WDR41: variants seen among roughly 807,000 people sequenced by gnomAD.
WDR41 encodes the protein WD repeat domain 41.
Under a neutral mutation model 69.3 loss-of-function variants are expected in WDR41, and 63 were observed. That is an observed-to-expected ratio of 0.91 (90% CI 0.74 to 1.12). The LOEUF (loss-of-function observed/expected upper bound fraction) is 1.12. WDR41 is among the 50% of genes most tolerant of loss of function. WDR41 has a pLI of 0.00. For synonymous variants in WDR41, 185 were observed against 192.1 expected, an observed-to-expected ratio of 0.96 and a Z score of 0.31; for missense variants, 543 against 534.5, an observed-to-expected ratio of 1.02 and a Z score of -0.16.
At chr5:77,492,620 G>C (rs774060793), upstream of WDR41, 5 of 211,916 alleles carry the variant, frequency 2.4e-5, no homozygotes, top group Non-Finnish European at 3.7e-5. Flanking sequence ...CGCGCACGAA[G>C]AATAATGCCC....
chr5:77,503,112 G>A (rs1243531019), intron 1 of WDR41, among the ~76,000 whole-genome samples: 3 of 148,370 alleles, frequency 2.0e-5, no homozygotes, highest in Non-Finnish European at 4.4e-5. Context: ...CTATATTCAG[G>A]AGACCTATCT....
chr5:77,452,393 G>A (rs1211245788), intron 6 of WDR41: 2 of 152,198 alleles, frequency 1.3e-5, no homozygotes, highest in East Asian at 3.8e-4. Flanking sequence ...CAACAATCCA[G>A]ATGTAGCAAC....
In WDR41 at chr5:77,582,871, C is replaced by A. The variant is rs1450503383; in HGVS notation, c.42+37608G>T. The A allele has an allele frequency of 2.5e-6, 4 of 1,604,972 alleles. No homozygotes were observed. The East Asian group carries it at 6.7e-5, about 27-fold the overall frequency. Reference sequence around the variant, plus strand: ...TGGTTATGGCAAAATCAATAAGAAGCGAATTGCTTTGACAGATAACGCTTT... The same window carrying A: ...TGGTTATGGCAAAATCAATAAGAAGAGAATTGCTTTGACAGATAACGCTTT... On this transcript the variant is annotated intron_variant, in intron 1 of 5. Coordinates refer to the WDR41 transcript ENST00000509971.
intron 1 of WDR41, among the ~76,000 whole-genome samples, chr5:77,517,568 T>C (rs115006267): frequency 0.026 from 3,904 of 151,242 alleles, 147 homozygotes; most frequent in African/African-American, 0.082. Context: ...CTTTATGATA[T>C]ATCTTTTCTG....
intron 1 of WDR41, chr5:77,620,335 TGTAA>T: frequency 2.8e-6 from 1 of 361,928 alleles, no homozygotes; most frequent in Non-Finnish European, 5.4e-6. Context: ...AGCATATTGC[TGTAA>T]GTCTCTTTAG....
chr5:77,534,624 G>A (rs1742931864), intron 1 of WDR41, among the ~76,000 whole-genome samples: 1 of 152,044 alleles, frequency 6.6e-6, no homozygotes, highest in African/African-American at 2.4e-5. Context: ...AGTGGAGACA[G>A]GCTTTCACTA....
chr5:77,498,370 A>T (rs1028620245), intron 1 of WDR41, among the ~76,000 whole-genome samples: 1 of 152,196 alleles, frequency 6.6e-6, no homozygotes, highest in Non-Finnish European at 1.5e-5. Context: ...CAGTGTAGAA[A>T]AGACTATTGA....
chr5:77,488,172 T>C (rs1455995506), intron 2 of WDR41, among the ~76,000 whole-genome samples: 1 of 152,214 alleles, frequency 6.6e-6, no homozygotes, highest in Non-Finnish European at 1.5e-5. Flanking sequence ...AACCCATACA[T>C]GGCTTGCAGC....
intron 2 of WDR41, among the ~76,000 whole-genome samples, chr5:77,477,045 T>C (rs1800973026): frequency 6.7e-6 from 1 of 148,400 alleles, no homozygotes; most frequent in Non-Finnish European, 1.5e-5. Context: ...TAAAACAGAC[T>C]TTAAACCAAC....
At chr5:77,543,285 A>G (rs1399974041) in intron 1 of WDR41, among the ~76,000 whole-genome samples, 1 of 152,212 alleles carries the variant, frequency 6.6e-6, no homozygotes, top group Non-Finnish European at 1.5e-5. Context: ...CTCACCAGCA[A>G]TGGACCCAAA....
chr5:77,484,902 C>A (rs1801441003), intron 2 of WDR41, among the ~76,000 whole-genome samples: 1 of 152,188 alleles, frequency 6.6e-6, no homozygotes, highest in African/African-American at 2.4e-5. Context: ...CTAGCTCAAT[C>A]GGCTCCTAGT....
intron 1 of WDR41, among the ~76,000 whole-genome samples, chr5:77,540,038 C>G (rs1167177701): frequency 1.3e-5 from 2 of 152,116 alleles, no homozygotes; most frequent in Non-Finnish European, 2.9e-5. Context: ...CATAAGCAAT[C>G]TTTAAGAATA....
At chr5:77,528,846 A>T (rs1166221297) in intron 1 of WDR41, among the ~76,000 whole-genome samples, 2 of 151,700 alleles carry the variant, frequency 1.3e-5, no homozygotes, top group South Asian at 4.1e-4. Context: ...TTATTTTTTT[A>T]AAAAAGAACT....
chr5:77,476,016 A>G (rs935413008), intron 2 of WDR41, among the ~76,000 whole-genome samples: 1 of 152,238 alleles, frequency 6.6e-6, no homozygotes, highest in Non-Finnish European at 1.5e-5. Flanking sequence ...CCAGAACTAC[A>G]TGAAGAATGC....
chr5:77,596,412 G>A (rs1744228796), intron 1 of WDR41, among the ~76,000 whole-genome samples: 1 of 152,180 alleles, frequency 6.6e-6, no homozygotes, highest in African/African-American at 2.4e-5. Flanking sequence ...TTACAGGCAT[G>A]AGCCTCCACG....
intron 2 of WDR41, among the ~76,000 whole-genome samples, chr5:77,478,646 C>G (rs1334680416): frequency 6.6e-6 from 1 of 152,122 alleles, no homozygotes; most frequent in Non-Finnish European, 1.5e-5. Flanking sequence ...TAAAAATTCT[C>G]AATAAATTAG....
chr5:77,596,476 T>C (rs1744230108), intron 1 of WDR41, among the ~76,000 whole-genome samples: 1 of 152,062 alleles, frequency 6.6e-6, no homozygotes, highest in Admixed American at 6.6e-5. Context: ...GGAAAAAAAA[T>C]TATTACTATT....
chr5:77,562,985 G>A (rs1338663081), intron 1 of WDR41, among the ~76,000 whole-genome samples: 1 of 152,088 alleles, frequency 6.6e-6, no homozygotes, highest in South Asian at 2.1e-4. Context: ...TATCTTGTAT[G>A]AGGGACACAT....
intron 2 of WDR41, among the ~76,000 whole-genome samples, chr5:77,479,895 A>C (rs1180326800): frequency 2.6e-5 from 4 of 151,796 alleles, no homozygotes; most frequent in Non-Finnish European, 4.4e-5. Context: ...CAACCTACAA[A>C]ATGGGAGAAA....
Sources: gnomAD v4.1 joint callset for allele counts (sites outside exome capture counted in the v4.1 genomes callset) on GRCh38, gnomAD v4.1.1 for gene constraint, MANE v1.5 for transcripts, NCBI Gene and HGNC (gene_info 2026-07-23, HGNC 2026-07-21) for gene names.